The following ANO10 variants were observed in gnomAD, a reference collection of about 807,000 sequenced individuals.
ANO10 encodes anoctamin-10.
ANO10 carries 77 observed loss-of-function variants against 74.7 expected under a neutral mutation model. The observed-to-expected ratio is 1.03, with a 90% CI of 0.86 to 1.25. ANO10 has a LOEUF of 1.25. Ranked by LOEUF, ANO10 falls within the 50% of genes most tolerant of loss-of-function variation. The pLI is 0.00. For missense variants in ANO10, 721 were observed against 778.1 expected (o/e 0.93, Z 0.87); for synonymous variants, 279 against 284.9 (o/e 0.98, Z 0.21).
chr3:43,691,280 C>T (rs2084374567), intron 1 of ANO10: 1 of 368,244 alleles, frequency 2.7e-6, no homozygotes, highest in Non-Finnish European at 4.8e-6. Flanking sequence ...TCCGGCCGCG[C>T]CGGGAGGCCG....
chr3:43,573,438 G>A (rs138051018), intron 7 of ANO10, among the ~76,000 whole-genome samples: 91 of 152,142 alleles, frequency 6.0e-4, no homozygotes, highest in African/African-American at 2.0e-3. Flanking sequence ...TTTAAGGACC[G>A]AAAAACCAGA....
At chr3:43,531,174 T>C (rs1450663783) in intron 11 of ANO10, among the ~76,000 whole-genome samples, 3 of 152,242 alleles carry the variant, frequency 2.0e-5, no homozygotes, top group African/African-American at 7.2e-5. Context: ...GTAGAGCTAA[T>C]ATTTCAACTA....
intron 1 of ANO10, chr3:43,638,588 CA>C (rs1271955442): frequency 9.9e-5 from 15 of 152,106 alleles, no homozygotes; most frequent in African/African-American, 3.1e-4. Context: ...TACTTTAACT[CA>C]CAAGTAGCCA....
chr3:43,544,028 A>C (rs2079070741), intron 11 of ANO10, among the ~76,000 whole-genome samples: 1 of 152,224 alleles, frequency 6.6e-6, no homozygotes, highest in Admixed American at 6.5e-5. Context: ...GTATTATCTA[A>C]GATTTAATAT....
chr3:43,534,963 T>C (rs774630276), intron 11 of ANO10, among the ~76,000 whole-genome samples: 1 of 151,742 alleles, frequency 6.6e-6, no homozygotes, highest in Non-Finnish European at 1.5e-5. Context: ...TTTTTTCCTA[T>C]ATGTAGATTT....
intron 4 of ANO10, among the ~76,000 whole-genome samples, chr3:43,583,599 C>T (rs1404994178): frequency 6.6e-6 from 1 of 152,188 alleles, no homozygotes; most frequent in East Asian, 1.9e-4. Flanking sequence ...AGCAAAATCC[C>T]TCTCATAACG....
At chr3:43,408,945 T>C (rs2092622024) in intron 12 of ANO10, among the ~76,000 whole-genome samples, 1 of 151,920 alleles carries the variant, frequency 6.6e-6, no homozygotes, top group African/African-American at 2.4e-5. Context: ...GGTGGGAGAA[T>C]ACCTTGAACC....
chr3:43,659,431 C>T (rs866038919), intron 1 of ANO10, among the ~76,000 whole-genome samples: 41 of 152,306 alleles, frequency 2.7e-4, no homozygotes, highest in African/African-American at 7.9e-4. Flanking sequence ...GTGGGTCCCA[C>T]GCCCACGGAG....
intron 12 of ANO10, among the ~76,000 whole-genome samples, chr3:43,384,105 AGCCCTG>A (rs2092049351): frequency 6.6e-6 from 1 of 152,240 alleles, no homozygotes; most frequent in Non-Finnish European, 1.5e-5. Flanking sequence ...ACAAATCAGT[AGCCCTG>A]CTATATACCA....
intron 11 of ANO10, among the ~76,000 whole-genome samples, chr3:43,549,033 A>G (rs1279757755): frequency 6.6e-6 from 1 of 152,228 alleles, no homozygotes; most frequent in Non-Finnish European, 1.5e-5. Flanking sequence ...GATTTGCTTA[A>G]GAAAGTAGAA....
chr3:43,612,089 G>A (rs562730206), intron 1 of ANO10, among the ~76,000 whole-genome samples: 130 of 138,918 alleles, frequency 9.4e-4, no homozygotes, highest in Non-Finnish European at 1.8e-3. Flanking sequence ...GCAAAAATAT[G>A]CCCAAATCAT....
chr3:43,468,179 A>C (rs1157119586), intron 11 of ANO10, among the ~76,000 whole-genome samples: 3 of 152,224 alleles, frequency 2.0e-5, no homozygotes, highest in African/African-American at 4.8e-5. Flanking sequence ...TGTTTAAAAA[A>C]TTGCTGTGGG....
intron 1 of ANO10, among the ~76,000 whole-genome samples, chr3:43,633,995 C>CAAAAA (rs5848667): frequency 8.1e-6 from 1 of 124,038 alleles, no homozygotes; most frequent in African/African-American, 3.1e-5. Flanking sequence ...TCATGGACAG[C>CAAAAA]AAAAAAAAAA....
rs145834284 is a variant in ANO10, at chr3:43,651,148, A to C, written c.-12+40369T>G. ...TGGATGAGAAATTTGAACAAAGTTT[A>C]GGATAAAAACACTATTCATAACACC... On this transcript the variant is annotated intron_variant, in intron 1 of 3. Coordinates refer to the ANO10 transcript ENST00000413397. 4.4e-3 allele frequency among the ~76,000 whole-genome samples: 676 copies of C among 152,350 alleles called. 3 individuals carry two copies. The highest frequency in any genetic ancestry group is 0.014 in the Middle Eastern group (4 of 294).
At chr3:43,376,736 A>AGGGC (rs1376000467) in intron 12 of ANO10, among the ~76,000 whole-genome samples, 8 of 152,238 alleles carry the variant, frequency 5.3e-5, no homozygotes, top group Non-Finnish European at 1.2e-4. Context: ...TCCAAATCAC[A>AGGGC]GGGCAAAGAA....
chr3:43,655,009 A>T (rs2083831451), intron 1 of ANO10, among the ~76,000 whole-genome samples: 1 of 152,216 alleles, frequency 6.6e-6, no homozygotes, highest in African/African-American at 2.4e-5. Context: ...TAGGTGTTAG[A>T]TTAATTCCAT....
chr3:43,449,318 TTTTGAAGAAG>T (rs1575846865), intron 11 of ANO10, among the ~76,000 whole-genome samples: 1 of 152,282 alleles, frequency 6.6e-6, no homozygotes, highest in East Asian at 1.9e-4. Context: ...AACTTTTTAA[TTTTGAAGAAG>T]TTTAACTTAT....
At chr3:43,432,198 G>C (rs1156280065) in intron 12 of ANO10, among the ~76,000 whole-genome samples, 1 of 148,752 alleles carries the variant, frequency 6.7e-6, no homozygotes, top group African/African-American at 2.5e-5. Context: ...CAATTTTGCT[G>C]CTTCTACACA....
intron 12 of ANO10, among the ~76,000 whole-genome samples, chr3:43,401,340 T>A (rs2092477484): frequency 6.6e-6 from 1 of 152,138 alleles, no homozygotes; most frequent in South Asian, 2.1e-4. Context: ...ACTCAAAAAT[T>A]CCCTTGCAGG....
Sources: allele counts gnomAD v4.1 joint callset (sites outside exome capture counted in the v4.1 genomes callset), GRCh38; gene constraint gnomAD v4.1.1; transcripts MANE v1.5; gene names NCBI Gene and HGNC (gene_info 2026-07-23, HGNC 2026-07-21).